FAM241A: variants seen among roughly 807,000 people sequenced by gnomAD.
The protein encoded by FAM241A is family with sequence similarity 241 member A, also known as uncharacterized protein FAM241A.
FAM241A carries 7 observed loss-of-function variants against 12.2 expected under a neutral mutation model. The ratio of observed to expected loss-of-function variants is 0.58; its 90% CI spans 0.33 to 1.08. The LOEUF is 1.08. Among genes scored for constraint, FAM241A ranks in the 50% least tolerant of loss-of-function variants. The pLI is 0.04. For missense variants in FAM241A, 161 were observed against 169.7 expected (o/e 0.95, Z 0.29); for synonymous variants, 74 against 68.2 (o/e 1.08, Z -0.42).
At chr4:112,162,337 G>C (rs974229940) in intron 1 of FAM241A, among the ~76,000 whole-genome samples, 1 of 152,118 alleles carries the variant, frequency 6.6e-6, no homozygotes, top group African/African-American at 2.4e-5. Context: ...AAGAAATAAA[G>C]GGTATTCAAT....
intron 1 of FAM241A, 51 bp from the exon 2 acceptor site, chr4:112,186,641 TA>T: frequency 6.5e-7 from 1 of 1,538,114 alleles, no homozygotes; most frequent in Non-Finnish European, 8.8e-7. Flanking sequence ...TAAAGACGTT[TA>T]CATATTTCTC....
rs1186573826 is a variant in FAM241A at position 112,193,048 on chromosome 4, G to T, written c.*6110G>T. 1 of 151,324 alleles carries T rather than the reference G, an allele frequency of 6.6e-6. No individual in the cohort carries two copies. The highest frequency in any genetic ancestry group is 1.9e-4 in the East Asian group (1 of 5,192). The allele number at this position is 151,324 out of a possible 1,614,324, so 9.4% of individuals were successfully genotyped here. The stretch of plus-strand genomic sequence containing the variant: ...TTTAATGATCGCCATTCTAACTGGT[G>T]TGAGATGGTATCTCATTGTGGTTTT... On this transcript the variant is annotated 3_prime_UTR_variant, in exon 2 of 2. Transcript: ENST00000309733.
At chr4:112,185,888 A>G (rs2110436131) in intron 1 of FAM241A, among the ~76,000 whole-genome samples, 1 of 152,324 alleles carries the variant, frequency 6.6e-6, no homozygotes. Flanking sequence ...ACCCATCCGA[A>G]GGAAACAGCA....
chr4:112,151,924 A>G (rs180790173), intron 1 of FAM241A, among the ~76,000 whole-genome samples: 51 of 152,318 alleles, frequency 3.3e-4, no homozygotes, highest in Non-Finnish European at 6.6e-4. Context: ...CAGTCTGACA[A>G]ATTTTCTGCC....
At chr4:112,149,815 AT>A (rs908899967) in intron 1 of FAM241A, among the ~76,000 whole-genome samples, 24 of 151,276 alleles carry the variant, frequency 1.6e-4, no homozygotes, top group African/African-American at 5.8e-4. Context: ...CTTTTTAGTC[AT>A]TTTTTTTCTT....
In FAM241A at chr4:112,187,616, T is replaced by C. The variant is rs1292338722; in HGVS notation, c.*678T>C. The C allele has an allele frequency of 1.3e-5, 2 of 152,472 alleles. No individual in the cohort carries two copies. Among genetic ancestry groups the C allele is most frequent in the Non-Finnish European group, 2.9e-5 (2 of 67,954 alleles). The allele number at this position is 152,472 out of a possible 1,614,324, so 9.4% of individuals were successfully genotyped here. ...ATTTGGACCTAGACCTACTTTAATA[T>C]ATCATTTGAAGTTTCAGACAATTTT... On this transcript the variant is annotated 3_prime_UTR_variant, in exon 2 of 2. Coordinates refer to ENST00000309733, the MANE Select transcript of FAM241A (RefSeq NM_152400.3).
intron 1 of FAM241A, among the ~76,000 whole-genome samples, chr4:112,178,485 T>A (rs1723867018): frequency 6.6e-6 from 1 of 152,216 alleles, no homozygotes; most frequent in Admixed American, 6.5e-5. Flanking sequence ...TTGCTTGTTT[T>A]GTCTGCTTTG....
intron 1 of FAM241A, among the ~76,000 whole-genome samples, chr4:112,178,028 C>T (rs1723858105): frequency 6.6e-6 from 1 of 152,080 alleles, no homozygotes. Context: ...ATGGGCCAGG[C>T]ATAGTGCAAT....
At chr4:112,154,778 A>G (rs1723317745) in intron 1 of FAM241A, among the ~76,000 whole-genome samples, 1 of 151,092 alleles carries the variant, frequency 6.6e-6, no homozygotes, top group Non-Finnish European at 1.5e-5. Flanking sequence ...CATGCCTGTA[A>G]TCCCAGCACT....
chr4:112,167,720 C>T (rs1723627400), intron 1 of FAM241A, among the ~76,000 whole-genome samples: 1 of 152,110 alleles, frequency 6.6e-6, no homozygotes, highest in Admixed American at 6.6e-5. Flanking sequence ...AGTTTAATAG[C>T]AGGGAACATG....
intron 1 of FAM241A, among the ~76,000 whole-genome samples, chr4:112,153,065 A>G (rs1723276092): frequency 6.6e-6 from 1 of 152,184 alleles, no homozygotes. Flanking sequence ...TAGTACATGT[A>G]ATTCTCAAAT....
At chr4:112,169,411 T>C (rs1047502376) in intron 1 of FAM241A, among the ~76,000 whole-genome samples, 1 of 152,242 alleles carries the variant, frequency 6.6e-6, no homozygotes, top group African/African-American at 2.4e-5. Flanking sequence ...GTATAAAATC[T>C]ATTTTTATAC....
chr4:112,193,381 G>A lies in FAM241A; in HGVS notation c.*6443G>A, dbSNP rs1325931553. On this transcript the variant is annotated 3_prime_UTR_variant, in exon 2 of 2. Transcript: ENST00000309733. ...ATCCCATTTGTCAATTTTGTCTTTT[G>A]TTGCCATTGCTTTTGGTGTTTTAGA... 6.6e-6 allele frequency: 1 copy of A among 151,900 alleles called. No individual in the cohort carries two copies. Among genetic ancestry groups the A allele is most frequent in the Admixed American group, 6.6e-5 (1 of 15,248 alleles). 9.4% of individuals were successfully genotyped at this position (151,900 alleles called of 1,614,324 possible).
intron 1 of FAM241A, among the ~76,000 whole-genome samples, chr4:112,161,535 T>C (rs984021171): frequency 6.6e-6 from 1 of 152,060 alleles, no homozygotes; most frequent in African/African-American, 2.4e-5. Context: ...TAAACACCAC[T>C]ACGCAAGTAA....
chr4:112,154,725 G>T (rs1723316594), intron 1 of FAM241A, among the ~76,000 whole-genome samples: 2 of 151,984 alleles, frequency 1.3e-5, no homozygotes, highest in South Asian at 4.2e-4. Flanking sequence ...GTCTTAACCT[G>T]CAGTTTGAAA....
chr4:112,161,509 C>T lies in FAM241A; in HGVS notation c.153+15776C>T, dbSNP rs540964424. The stretch of plus-strand genomic sequence containing the variant: ...ACCAATCCCACGGAAATACAAACTA[C>T]CATCAGAGAATACTATAAACACCAC... On this transcript the variant is annotated intron_variant, in intron 1 of 1. Transcript: ENST00000309733. 1.6e-3 allele frequency among the ~76,000 whole-genome samples: 240 copies of T among 152,214 alleles called. 1 individual carries two copies. The highest frequency in any genetic ancestry group is 5.4e-3 in the African/African-American group (225 of 41,528).
At chr4:112,155,322 T>C (rs1723329907) in intron 1 of FAM241A, among the ~76,000 whole-genome samples, 1 of 152,126 alleles carries the variant, frequency 6.6e-6, no homozygotes, top group Admixed American at 6.5e-5. Flanking sequence ...AAATGAAAAA[T>C]GAATGCAAAT....
chr4:112,167,045 C>T (rs1475775975), intron 1 of FAM241A, among the ~76,000 whole-genome samples: 2 of 122,736 alleles, frequency 1.6e-5, no homozygotes, highest in Non-Finnish European at 3.3e-5. Flanking sequence ...ACCCGGGAGG[C>T]GGAGCTTGCA....
chr4:112,188,601 GA>G lies in FAM241A; in HGVS notation c.*1667del, dbSNP rs1724092209. ...AACTCAGTATAAGTGCAAGTTGTTTGAAAAGGTGTTTTTATTAGTGCACAAT... is the reference window on the plus strand; with the variant it reads ...AACTCAGTATAAGTGCAAGTTGTTTGAAAGGTGTTTTTATTAGTGCACAAT... On this transcript the variant is annotated 3_prime_UTR_variant, in exon 2 of 2. Coordinates refer to ENST00000309733, the MANE Select transcript of FAM241A (RefSeq NM_152400.3). The G allele has an allele frequency of 6.6e-6, 1 of 152,108 alleles. No homozygotes were observed. Among genetic ancestry groups the G allele is most frequent in the South Asian group, 2.1e-4 (1 of 4,830 alleles). The allele number at this position is 152,108 out of a possible 1,614,324, so 9.4% of individuals were successfully genotyped here.
Sources: gnomAD v4.1 joint callset for allele counts (sites outside exome capture counted in the v4.1 genomes callset) on GRCh38, gnomAD v4.1.1 for gene constraint, MANE v1.5 for transcripts, NCBI Gene and HGNC (gene_info 2026-07-23, HGNC 2026-07-21) for gene names.